ADGRG2: variants seen among roughly 807,000 people sequenced by gnomAD.
ADGRG2 encodes the protein G protein-coupled receptor 64.
In ADGRG2, 26 loss-of-function variants were observed where a neutral mutation model predicts 74.1. The observed-to-expected ratio is 0.35, with a 90% CI of 0.26 to 0.49. The LOEUF (loss-of-function observed/expected upper bound fraction) is 0.49. Ranked by LOEUF, ADGRG2 falls within the 20% of genes least tolerant of loss-of-function variation. ADGRG2 has a pLI of 0.99. For synonymous variants in ADGRG2, 296 were observed against 295.2 expected (o/e 1.00, Z -0.03); for missense variants, 619 against 763.1 (o/e 0.81, Z 2.22).
chrX:19,077,979 G>A (rs548336366), intron 2 of ADGRG2, among the ~76,000 whole-genome samples: 3 of 111,720 alleles, frequency 2.7e-5, no homozygotes, highest in African/African-American at 9.8e-5. Context: ...AGTCATTAAG[G>A]ATATAGAATA....
intron 28 of ADGRG2, among the ~76,000 whole-genome samples, chrX:18,991,424 T>G (rs2059922003): frequency 8.9e-6 from 1 of 112,034 alleles, no homozygotes; most frequent in Non-Finnish European, 1.9e-5. Context: ...AATACTTTGG[T>G]CTCCCAAAAG....
chrX:19,019,884 A>G (rs2060553041), intron 14 of ADGRG2, among the ~76,000 whole-genome samples: 2 of 111,987 alleles, frequency 1.8e-5, no homozygotes, highest in African/African-American at 6.5e-5. Flanking sequence ...TGGGGGTTAT[A>G]TGCATGCAGC....
At chrX:19,066,949 G>A (rs1370959887) in intron 3 of ADGRG2, among the ~76,000 whole-genome samples, 2 of 111,373 alleles carry the variant, frequency 1.8e-5, no homozygotes, top group Non-Finnish European at 3.8e-5. Flanking sequence ...CCATATGGTT[G>A]TACCTTCAAG....
At chrX:19,073,919 C>A (rs1054785272) in intron 2 of ADGRG2, among the ~76,000 whole-genome samples, 3 of 111,773 alleles carry the variant, frequency 2.7e-5, no homozygotes, top group African/African-American at 9.8e-5. Flanking sequence ...TACAAGACCA[C>A]CACAAGGGGA....
intron 3 of ADGRG2, among the ~76,000 whole-genome samples, chrX:19,064,196 G>C (rs936800715): frequency 8.9e-6 from 1 of 112,052 alleles, no homozygotes; most frequent in African/African-American, 3.2e-5. Context: ...GTCTGCAGGT[G>C]ACCCCTGGGG....
chrX:19,030,835 GT>G, intron 9 of ADGRG2, 148 bp downstream of exon 9: 1 of 410,082 alleles, frequency 2.4e-6, no homozygotes, highest in Non-Finnish European at 4.2e-6. Flanking sequence ...ATTTGCTTTT[GT>G]TTTTATTAGG....
chrX:19,084,628 C>T (rs1203088284), intron 1 of ADGRG2, among the ~76,000 whole-genome samples: 1 of 112,062 alleles, frequency 8.9e-6, no homozygotes, highest in East Asian at 2.8e-4. Flanking sequence ...ACTTGAGTAT[C>T]GAAAGAAGTT....
chrX:19,023,777 T>C, intron 12 of ADGRG2, 132 bp downstream of exon 12: 1 of 485,987 alleles, frequency 2.1e-6, no homozygotes, highest in Non-Finnish European at 3.6e-6. Flanking sequence ...ATAAAAAAAC[T>C]AGTCCATTCA....
chrX:19,010,129 T>TTTTTG (rs1569369074), intron 17 of ADGRG2, among the ~76,000 whole-genome samples: 2 of 107,709 alleles, frequency 1.9e-5, no homozygotes, highest in Non-Finnish European at 3.9e-5. Flanking sequence ...TTTTGTTTTT[T>TTTTTG]TTTTTTTTTG....
chrX:19,121,517 CGT>C (rs1374416242), intron 1 of ADGRG2, among the ~76,000 whole-genome samples: 5 of 110,902 alleles, frequency 4.5e-5, no homozygotes, highest in Non-Finnish European at 9.4e-5. Context: ...CTTAGGACCT[CGT>C]CTCCCAATCT....
chrX:19,027,380 A>G, intron 10 of ADGRG2, 106 bp from the exon 11 acceptor site: 1 of 534,182 alleles, frequency 1.9e-6, no homozygotes, highest in South Asian at 2.9e-5. Context: ...AAATAACTAT[A>G]CCCCAAAGAC....
chrX:19,103,036 T>C (rs2062215998), intron 1 of ADGRG2, among the ~76,000 whole-genome samples: 1 of 110,930 alleles, frequency 9.0e-6, no homozygotes, highest in Admixed American at 9.7e-5. Context: ...TGAGACCTGT[T>C]GGGCTGCATT....
chrX:19,016,722 AATTC>A (rs1167051356), intron 15 of ADGRG2, among the ~76,000 whole-genome samples: 1 of 75,070 alleles, frequency 1.3e-5, no homozygotes, highest in African/African-American at 5.5e-5. Context: ...TGTATTTTTA[AATTC>A]ATTCATTCAT....
intron 3 of ADGRG2, among the ~76,000 whole-genome samples, chrX:19,045,742 T>C (rs2146784126): frequency 9.0e-6 from 1 of 111,303 alleles, no homozygotes; most frequent in African/African-American, 3.3e-5. Context: ...AACCTTCTAA[T>C]TGGAAGGAAT....
At chrX:19,063,436 T>C (rs911174831) in intron 3 of ADGRG2, among the ~76,000 whole-genome samples, 2 of 112,509 alleles carry the variant, frequency 1.8e-5, no homozygotes, top group Non-Finnish European at 3.8e-5. Context: ...CAGATTCTGA[T>C]GGGGAATCTT....
chrX:19,045,294 GTTATTATTA>G (rs3056193), intron 3 of ADGRG2, among the ~76,000 whole-genome samples: 2 of 95,381 alleles, frequency 2.1e-5, no homozygotes, highest in Admixed American at 1.2e-4. Flanking sequence ...GGGGGGTGTT[GTTATTATTA>G]TTATTATTAT....
intron 1 of ADGRG2, among the ~76,000 whole-genome samples, chrX:19,095,943 C>T (rs996834876): frequency 9.0e-6 from 1 of 111,493 alleles, no homozygotes; most frequent in Non-Finnish European, 1.9e-5. Flanking sequence ...TGCTTGAGTC[C>T]AGGAGGTTGA....
intron 3 of ADGRG2, among the ~76,000 whole-genome samples, chrX:19,053,177 ATT>A (rs1197071443): frequency 9.0e-6 from 1 of 111,043 alleles, no homozygotes; most frequent in South Asian, 3.8e-4. Flanking sequence ...ACAGAACAAT[ATT>A]TTTTGTATAA....
chrX:19,057,579 G>A (rs970287278), intron 3 of ADGRG2, among the ~76,000 whole-genome samples: 1 of 112,027 alleles, frequency 8.9e-6, no homozygotes, highest in Non-Finnish European at 1.9e-5. Flanking sequence ...ACTCACGCCT[G>A]TAATCCCAGT....
Sources: allele counts gnomAD v4.1 joint callset (sites outside exome capture counted in the v4.1 genomes callset), GRCh38; gene constraint gnomAD v4.1.1; transcripts MANE v1.5; gene names NCBI Gene and HGNC (gene_info 2026-07-23, HGNC 2026-07-21).